SPAG16: variants seen among roughly 807,000 people sequenced by gnomAD.
SPAG16 encodes sperm-associated antigen 16 protein.
SPAG16 carries 86 observed loss-of-function variants against 80.4 expected under a neutral mutation model. The ratio of observed to expected loss-of-function variants is 1.07; its 90% CI spans 0.90 to 1.28. The LOEUF (loss-of-function observed/expected upper bound fraction) is 1.28. Among genes scored for constraint, SPAG16 ranks in the 50% most tolerant of loss-of-function variants. SPAG16 has a pLI of 0.00. For synonymous variants in SPAG16, 294 were observed against 265.9 expected, an observed-to-expected ratio of 1.11 and a Z score of -1.03; for missense variants, 870 against 765.3, an observed-to-expected ratio of 1.14 and a Z score of -1.61.
intron 11 of SPAG16, among the ~76,000 whole-genome samples, chr2:213,869,682 C>A (rs1365814): frequency 0.6 from 88,136 of 146,606 alleles, 28,132 homozygotes; most frequent in South Asian, 0.85. Flanking sequence ...AAAAGTAATA[C>A]AGGATCATCA....
chr2:214,206,022 G>A (rs775254430), intron 15 of SPAG16, among the ~76,000 whole-genome samples: 28 of 126,494 alleles, frequency 2.2e-4, no homozygotes, highest in Non-Finnish European at 4.1e-4. Context: ...GTGAAACCCC[G>A]TCTCTACTAA....
chr2:213,487,601 A>C (rs1478367384), intron 9 of SPAG16, among the ~76,000 whole-genome samples: 1 of 151,978 alleles, frequency 6.6e-6, no homozygotes, highest in Non-Finnish European at 1.5e-5. Context: ...TCTCGATGTA[A>C]ATCTTTTTTT....
At chr2:214,364,649 G>T (rs1699372606) in intron 15 of SPAG16, among the ~76,000 whole-genome samples, 1 of 152,118 alleles carries the variant, frequency 6.6e-6, no homozygotes, top group African/African-American at 2.4e-5. Context: ...TTTAAACAGT[G>T]CTGTTTTCAA....
intron 14 of SPAG16, among the ~76,000 whole-genome samples, chr2:214,140,990 G>T (rs1374027125): frequency 6.7e-6 from 1 of 149,260 alleles, no homozygotes; most frequent in African/African-American, 2.5e-5. Flanking sequence ...ATATATTTCT[G>T]TATTGGTATT....
intron 10 of SPAG16, among the ~76,000 whole-genome samples, chr2:213,733,498 G>C (rs930269066): frequency 9.5e-6 from 1 of 105,274 alleles, no homozygotes; most frequent in Admixed American, 1.5e-4. Flanking sequence ...GTTATGAAGG[G>C]ATTTTTTTTT....
intron 12 of SPAG16, among the ~76,000 whole-genome samples, chr2:213,968,308 G>A (rs941711112): frequency 1.3e-5 from 2 of 152,078 alleles, no homozygotes; most frequent in Non-Finnish European, 1.5e-5. Flanking sequence ...CCAAGCAGCT[G>A]GGATTACAGG....
chr2:214,036,676 A>G (rs2048713437), intron 13 of SPAG16, among the ~76,000 whole-genome samples: 1 of 152,200 alleles, frequency 6.6e-6, no homozygotes, highest in Non-Finnish European at 1.5e-5. Flanking sequence ...TATTTATAAT[A>G]TATTCACTTA....
At chr2:214,045,516 C>T (rs1163377922) in intron 13 of SPAG16, among the ~76,000 whole-genome samples, 6 of 152,122 alleles carry the variant, frequency 3.9e-5, no homozygotes, top group East Asian at 1.9e-4. Context: ...CAGAGGGAAA[C>T]GTAAAGGGGA....
intron 12 of SPAG16, among the ~76,000 whole-genome samples, chr2:213,959,036 G>A (rs1261655595): frequency 2.6e-5 from 4 of 152,140 alleles, no homozygotes; most frequent in African/African-American, 7.2e-5. Context: ...AAGAAAGTTC[G>A]TTGACGGTTT....
At chr2:213,795,479 T>C (rs2070966789) in intron 10 of SPAG16, among the ~76,000 whole-genome samples, 1 of 152,176 alleles carries the variant, frequency 6.6e-6, no homozygotes, top group Non-Finnish European at 1.5e-5. Flanking sequence ...ACACAAAACA[T>C]TCTGCCTTCA....
intron 10 of SPAG16, among the ~76,000 whole-genome samples, chr2:213,493,160 A>G (rs1041206080): frequency 6.6e-6 from 1 of 152,254 alleles, no homozygotes; most frequent in Non-Finnish European, 1.5e-5. Context: ...ATACACAACT[A>G]TATGACCTAT....
At chr2:213,367,580 G>A (rs1575389347) in intron 8 of SPAG16, among the ~76,000 whole-genome samples, 1 of 152,238 alleles carries the variant, frequency 6.6e-6, no homozygotes, top group Non-Finnish European at 1.5e-5. Context: ...CTGCATAAAT[G>A]TCTTCTTTTG....
intron 14 of SPAG16, among the ~76,000 whole-genome samples, chr2:214,129,476 C>G (rs1437904072): frequency 6.6e-6 from 1 of 152,108 alleles, no homozygotes; most frequent in Admixed American, 6.6e-5. Context: ...TACCTGATCC[C>G]TTTGACTCCA....
chr2:214,293,985 G>A (rs1485127542), intron 15 of SPAG16, among the ~76,000 whole-genome samples: 3 of 152,206 alleles, frequency 2.0e-5, no homozygotes, highest in Admixed American at 6.5e-5. Flanking sequence ...TGTTCTTTGG[G>A]TGTATGAAAT....
chr2:213,967,588 T>C (rs934819343), intron 12 of SPAG16, among the ~76,000 whole-genome samples: 1 of 152,152 alleles, frequency 6.6e-6, no homozygotes, highest in African/African-American at 2.4e-5. Flanking sequence ...AATTTGTATA[T>C]AGATGTAAAT....
intron 15 of SPAG16, among the ~76,000 whole-genome samples, chr2:214,152,579 C>CACA (rs2056025130): frequency 6.6e-6 from 1 of 152,000 alleles, no homozygotes; most frequent in Non-Finnish European, 1.5e-5. Flanking sequence ...TGTGCGGCGA[C>CACA]GAGAGAGTGT....
In SPAG16 at chr2:213,515,141, A is replaced by G. The variant is rs181926338; in HGVS notation, c.1070+25051A>G. Among the ~76,000 whole-genome samples, 7 of 151,908 alleles carry G rather than the reference A, an allele frequency of 4.6e-5. No individual in the cohort carries two copies. In the East Asian group the frequency reaches 7.7e-4, roughly 17 times the overall value. On this transcript the variant is annotated intron_variant, in intron 10 of 15. Coordinates refer to ENST00000331683, the MANE Select transcript of SPAG16 (RefSeq NM_024532.5). ...CTGAAATAAACTAAATAAATATTCA[A>G]ACTATTAGATAAGTAGTACGTATGT...
chr2:213,786,947 A>G (rs151134056), intron 10 of SPAG16, among the ~76,000 whole-genome samples: 1 of 152,294 alleles, frequency 6.6e-6, no homozygotes, highest in Non-Finnish European at 1.5e-5. Context: ...TAAAAATGAT[A>G]TAAGTGGTAT....
At chr2:214,071,556 C>G (rs573868348) in intron 13 of SPAG16, among the ~76,000 whole-genome samples, 2 of 152,176 alleles carry the variant, frequency 1.3e-5, no homozygotes, top group African/African-American at 4.8e-5. Flanking sequence ...AACTAAGGTA[C>G]TGATTTTTCT....
Sources: gnomAD v4.1 joint callset for allele counts (sites outside exome capture counted in the v4.1 genomes callset) on GRCh38, gnomAD v4.1.1 for gene constraint, MANE v1.5 for transcripts, NCBI Gene and HGNC (gene_info 2026-07-23, HGNC 2026-07-21) for gene names.